The following EVI5 variants were observed in gnomAD, a reference collection of about 807,000 sequenced individuals.
The protein encoded by EVI5 is ecotropic viral integration site 5.
Under a neutral mutation model 112.0 loss-of-function variants are expected in EVI5, and 73 were observed. The observed-to-expected ratio is 0.65, with a 90% CI of 0.54 to 0.79. The LOEUF (loss-of-function observed/expected upper bound fraction) is 0.79. EVI5 is among the 30% of genes least tolerant of loss of function. EVI5 has a pLI of 0.00. For synonymous variants in EVI5, 305 were observed against 319.9 expected (o/e 0.95, Z 0.50); for missense variants, 900 against 968.8 (o/e 0.93, Z 0.94).
chr1:92,563,565 A>C, intron 19 of EVI5, 77 bp downstream of exon 19: 1 of 684,200 alleles, frequency 1.5e-6, no homozygotes, highest in South Asian at 2.0e-5. Context: ...TGTCAGTCTT[A>C]TAACCAGTAA....
intron 14 of EVI5, among the ~76,000 whole-genome samples, chr1:92,632,512 T>TC (rs1342235467): frequency 9.9e-5 from 15 of 152,258 alleles, no homozygotes; most frequent in Admixed American, 6.5e-4. Flanking sequence ...TTCTGTGGGA[T>TC]AGTTGGTGAT....
intron 1 of EVI5, among the ~76,000 whole-genome samples, chr1:92,768,424 T>C (rs1013643868): frequency 7.9e-5 from 12 of 152,234 alleles, no homozygotes; most frequent in African/African-American, 2.9e-4. Flanking sequence ...CACACCTTTC[T>C]AGTTCTCACC....
In EVI5 at chr1:92,511,122, T is replaced by C. The variant is rs1224749692; in HGVS notation, c.*2534A>G. On this transcript the variant is annotated 3_prime_UTR_variant, in exon 20 of 20. Transcript: ENST00000684568. The stretch of plus-strand genomic sequence containing the variant: ...TCTGTATATATATTCAGGAAACATT[T>C]AAATCAAATTCATTTAAATTATGTT... The C allele has an allele frequency of 6.6e-6, 1 of 152,174 alleles. No homozygotes were observed. The highest frequency in any genetic ancestry group is 1.5e-5 in the Non-Finnish European group (1 of 68,032). 9.4% of individuals were successfully genotyped at this position (152,174 alleles called of 1,614,324 possible).
intron 19 of EVI5, among the ~76,000 whole-genome samples, chr1:92,563,384 AAAAAT>A: frequency 6.6e-6 from 1 of 152,208 alleles, no homozygotes; most frequent in East Asian, 1.9e-4. Flanking sequence ...ACCACAATAA[AAAAAT>A]AAAATATTTG....
intron 14 of EVI5, among the ~76,000 whole-genome samples, chr1:92,626,363 CT>C (rs1448929889): frequency 2.0e-5 from 3 of 151,968 alleles, no homozygotes; most frequent in East Asian, 1.9e-4. Context: ...AAGGTTCAAT[CT>C]TTTTTTTATG....
intron 18 of EVI5, among the ~76,000 whole-genome samples, chr1:92,575,431 GTTT>G (rs575510281): frequency 9.9e-5 from 15 of 151,270 alleles, no homozygotes; most frequent in Non-Finnish European, 2.9e-5. Flanking sequence ...ACTGAAGATA[GTTT>G]TTTTTCAGAT....
At chr1:92,724,506 C>A (rs1044143477) in intron 2 of EVI5, among the ~76,000 whole-genome samples, 1 of 152,058 alleles carries the variant, frequency 6.6e-6, no homozygotes, top group African/African-American at 2.4e-5. Context: ...TTATATCGAA[C>A]AATGATTTTC....
At chr1:92,782,226 C>G (rs1353657149) in intron 1 of EVI5, among the ~76,000 whole-genome samples, 1 of 151,864 alleles carries the variant, frequency 6.6e-6, no homozygotes, top group Non-Finnish European at 1.5e-5. Flanking sequence ...CCACTGCACT[C>G]TAGCCTGGCA....
chr1:92,766,964 C>T (rs560891476), intron 1 of EVI5, among the ~76,000 whole-genome samples: 60 of 151,984 alleles, frequency 3.9e-4, no homozygotes, highest in Admixed American at 1.4e-3. Flanking sequence ...CACCTGTAAT[C>T]CCAGCGACTC....
At chr1:92,765,297 C>T (rs1168166036) in intron 1 of EVI5, among the ~76,000 whole-genome samples, 1 of 148,922 alleles carries the variant, frequency 6.7e-6, no homozygotes, top group East Asian at 2.0e-4. Flanking sequence ...TCAAGTGATC[C>T]TCCCACCTCA....
At chr1:92,546,448 C>T (rs1322347766) in intron 19 of EVI5, among the ~76,000 whole-genome samples, 2 of 152,050 alleles carry the variant, frequency 1.3e-5, no homozygotes, top group East Asian at 3.9e-4. Flanking sequence ...CCTGTAATCC[C>T]AGCACTTTGG....
intron 2 of EVI5, among the ~76,000 whole-genome samples, chr1:92,715,796 C>T (rs1322231608): frequency 1.3e-5 from 2 of 152,132 alleles, no homozygotes; most frequent in Non-Finnish European, 2.9e-5. Flanking sequence ...AAATGGTACA[C>T]CAGGAGATTA....
intron 2 of EVI5, among the ~76,000 whole-genome samples, chr1:92,721,184 C>A (rs1310872906): frequency 6.6e-6 from 1 of 152,158 alleles, no homozygotes; most frequent in African/African-American, 2.4e-5. Context: ...TGGGTATATA[C>A]CCAAAGGATT....
chr1:92,674,897 C>G (rs1020884475), intron 10 of EVI5, among the ~76,000 whole-genome samples: 1 of 152,162 alleles, frequency 6.6e-6, no homozygotes, highest in Non-Finnish European at 1.5e-5. Context: ...ACTTTATTTA[C>G]CTGATATGTT....
intron 13 of EVI5, among the ~76,000 whole-genome samples, chr1:92,655,587 C>T (rs1662860663): frequency 6.6e-6 from 1 of 152,044 alleles, no homozygotes; most frequent in Non-Finnish European, 1.5e-5. Context: ...ATGCTGCTTA[C>T]AAGAAACCCA....
At position 92,693,869 on chromosome 1, in the gene EVI5, C is replaced by G. The variant is rs200075081; in HGVS notation, c.1030G>C (p.Asp344His). 8.3e-5 allele frequency: 133 copies of G among 1,602,876 alleles called. No individual in the cohort carries two copies. Among genetic ancestry groups the G allele is most frequent in the Non-Finnish European group, 1.1e-4 (126 of 1,170,868 alleles). The change falls in exon 9 of 20, where the codon GAT becomes CAT. Residue 344 changes from aspartate (D) to histidine (H), a missense_variant. Coordinates refer to ENST00000684568, the MANE Select transcript of EVI5 (RefSeq NM_001350197.2). ...HFQKVIPHQF[D>H]GVPDKLIQAA... ...TGGATTAGCTTGTCTGGGACACCAT[C>G]AAACTGATGTGGAATGACCTTTTGA...
intron 2 of EVI5, among the ~76,000 whole-genome samples, chr1:92,728,403 CAA>C (rs1219245346): frequency 7.0e-6 from 1 of 143,690 alleles, no homozygotes; most frequent in Non-Finnish European, 1.5e-5. Flanking sequence ...TTTTTGGAGA[CAA>C]AGTCTCGCTC....
intron 1 of EVI5, among the ~76,000 whole-genome samples, chr1:92,753,133 C>CAA (rs5776155): frequency 1.3e-3 from 184 of 140,270 alleles, no homozygotes; most frequent in Middle Eastern, 3.6e-3. Flanking sequence ...AAGAGTCAGG[C>CAA]AAAAAAAAAA....
intron 18 of EVI5, among the ~76,000 whole-genome samples, chr1:92,592,995 T>G (rs895865571): frequency 2.0e-5 from 3 of 152,096 alleles, no homozygotes; most frequent in South Asian, 2.1e-4. Flanking sequence ...AGAGGTACAA[T>G]GAGGAGCTGT....
Sources: allele counts gnomAD v4.1 joint callset (sites outside exome capture counted in the v4.1 genomes callset), GRCh38; gene constraint gnomAD v4.1.1; transcripts MANE v1.5; gene names NCBI Gene and HGNC (gene_info 2026-07-23, HGNC 2026-07-21).